Variants in ACBD6 observed in about 807,000 individuals in gnomAD.
ACBD6 encodes the protein acyl-CoA binding domain containing 6, also known as acyl-CoA-binding domain-containing protein 6.
A neutral mutation model predicts 37.2 loss-of-function variants in ACBD6; 28 were observed. The observed-to-expected ratio is 0.75, with a 90% CI of 0.56 to 1.03. The LOEUF (loss-of-function observed/expected upper bound fraction) is 1.03, where lower values mean the gene tolerates loss of function less well. Ranked by LOEUF, ACBD6 falls within the 50% of genes least tolerant of loss-of-function variation. ACBD6 has a pLI of 0.00. For synonymous variants in ACBD6, 113 were observed against 126.8 expected, an observed-to-expected ratio of 0.89 and a Z score of 0.73; for missense variants, 340 against 337.4, an observed-to-expected ratio of 1.01 and a Z score of -0.06.
At chr1:180,416,623 C>T (rs1028091337) in intron 4 of ACBD6, among the ~76,000 whole-genome samples, 1 of 152,152 alleles carries the variant, frequency 6.6e-6, no homozygotes, top group Non-Finnish European at 1.5e-5. Flanking sequence ...CTTCAGGTTA[C>T]TACAACTTTT....
intron 3 of ACBD6, among the ~76,000 whole-genome samples, chr1:180,434,137 G>A (rs140969038): frequency 6.6e-6 from 1 of 152,142 alleles, no homozygotes; most frequent in African/African-American, 2.4e-5. Flanking sequence ...GGAAGTCGGG[G>A]TCTGGACATG....
chr1:180,318,026 A>T (rs1650883439), intron 6 of ACBD6, among the ~76,000 whole-genome samples: 1 of 151,958 alleles, frequency 6.6e-6, no homozygotes, highest in East Asian at 1.9e-4. Flanking sequence ...AAATACAAAA[A>T]ATTAGCCAGG....
chr1:180,280,359 TA>T (rs59479521), intron 9 of ACBD6, among the ~76,000 whole-genome samples: 21,673 of 149,974 alleles, frequency 0.14, 1,705 homozygotes, highest in Non-Finnish European at 0.2. Flanking sequence ...AGAGAAAACT[TA>T]AAAAAAAAAA....
intron 6 of ACBD6, among the ~76,000 whole-genome samples, chr1:180,395,649 C>A (rs1183297913): frequency 6.6e-6 from 1 of 152,080 alleles, no homozygotes; most frequent in African/African-American, 2.4e-5. Context: ...GCACAGAAAA[C>A]AACAAGTGTG....
chr1:180,399,265 T>TATTG (rs1253137632), intron 5 of ACBD6, among the ~76,000 whole-genome samples: 1 of 152,044 alleles, frequency 6.6e-6, no homozygotes, highest in Non-Finnish European at 1.5e-5. Context: ...AGTTATTTTT[T>TATTG]ATTTATTTAT....
At chr1:180,322,862 C>T (rs1401933648) in intron 6 of ACBD6, among the ~76,000 whole-genome samples, 1 of 150,664 alleles carries the variant, frequency 6.6e-6, no homozygotes, top group Non-Finnish European at 1.5e-5. Flanking sequence ...TATTTCTGCT[C>T]TGATTTTTAT....
At chr1:180,429,509 C>T (rs540202410) in intron 4 of ACBD6, among the ~76,000 whole-genome samples, 1 of 152,176 alleles carries the variant, frequency 6.6e-6, no homozygotes, top group Non-Finnish European at 1.5e-5. Context: ...CATCTGTCAA[C>T]AGATGCTTCC....
chr1:180,464,606 C>A (rs1360214598), intron 3 of ACBD6, among the ~76,000 whole-genome samples: 1 of 152,120 alleles, frequency 6.6e-6, no homozygotes, highest in African/African-American at 2.4e-5. Context: ...AATGGTTACA[C>A]TACCCAAAGC....
intron 6 of ACBD6, among the ~76,000 whole-genome samples, chr1:180,365,645 A>C (rs532822542): frequency 1.6e-4 from 25 of 152,182 alleles, no homozygotes; most frequent in Non-Finnish European, 2.4e-4. Context: ...CTGTAATGGC[A>C]GCAGTAAATT....
chr1:180,368,429 T>C (rs935969036), intron 6 of ACBD6, among the ~76,000 whole-genome samples: 13 of 152,220 alleles, frequency 8.5e-5, no homozygotes, highest in African/African-American at 3.1e-4. Context: ...GCTTTTGATG[T>C]CTTTATCATG....
At chr1:180,460,980 G>C (rs1285259102) in intron 3 of ACBD6, among the ~76,000 whole-genome samples, 3 of 152,154 alleles carry the variant, frequency 2.0e-5, no homozygotes, top group Non-Finnish European at 4.4e-5. Context: ...TTCTAACTCA[G>C]TGCAAGGAAG....
At position 180,498,327 on chromosome 1, in the gene ACBD6, G is replaced by A. The variant is rs114971042; in HGVS notation, c.223-2802C>T. The stretch of plus-strand genomic sequence containing the variant: ...TTCCTTGAAGTGACAGGCTTATTTC[G>A]TTCATTTTTAAGAAACTACCTGCCA... On this transcript the variant is annotated intron_variant, in intron 1 of 7. Coordinates refer to ENST00000367595, the MANE Select transcript of ACBD6 (RefSeq NM_032360.4). Among the ~76,000 whole-genome samples the A allele has an allele frequency of 3.8e-3, 578 of 152,232 alleles. 1 individual carries two copies. Among genetic ancestry groups the A allele is most frequent in the Non-Finnish European group, 5.7e-3 (389 of 68,004 alleles).
intron 6 of ACBD6, among the ~76,000 whole-genome samples, chr1:180,388,641 A>G (rs1428832798): frequency 6.6e-6 from 1 of 151,862 alleles, no homozygotes; most frequent in Non-Finnish European, 1.5e-5. Context: ...CAGAGTCACT[A>G]TGTTGCCCAG....
At chr1:180,379,933 G>C (rs1417242961) in intron 6 of ACBD6, among the ~76,000 whole-genome samples, 1 of 152,152 alleles carries the variant, frequency 6.6e-6, no homozygotes, top group Non-Finnish European at 1.5e-5. Context: ...ATGTAAAAAT[G>C]TTTTCTCCAC....
chr1:180,441,101 T>G (rs965788440), intron 3 of ACBD6, among the ~76,000 whole-genome samples: 1 of 152,170 alleles, frequency 6.6e-6, no homozygotes, highest in Non-Finnish European at 1.5e-5. Flanking sequence ...TTTTAACTTT[T>G]TGAGGAACCA....
chr1:180,304,608 A>C (rs1475831792), intron 7 of ACBD6, among the ~76,000 whole-genome samples: 3 of 151,052 alleles, frequency 2.0e-5, no homozygotes, highest in East Asian at 1.9e-4. Context: ...AAAAGAGGAT[A>C]CAAACAAATG....
chr1:180,421,016 ATTTT>A (rs906828203), intron 4 of ACBD6, among the ~76,000 whole-genome samples: 2 of 150,912 alleles, frequency 1.3e-5, no homozygotes, highest in Admixed American at 1.3e-4. Flanking sequence ...CTCCTCAATG[ATTTT>A]TTTTTCAAGT....
chr1:180,314,672 A>T lies in ACBD6; in HGVS notation c.694+20T>A. The T allele has an allele frequency of 6.6e-7, 1 of 1,508,428 alleles. No individual in the cohort carries two copies. The allele number at this position is 1,508,428 out of a possible 1,614,324, so 93.4% of individuals were successfully genotyped here. A position where few individuals can be genotyped will look rare whatever the true frequency, so the allele number is the denominator to read the frequency against. ...GAATATGTTCAAATATGATTACTTA[A>T]TAATTTAGAAACTTCTTACCATAAT... On this transcript the variant is annotated intron_variant, in intron 7 of 7. Coordinates refer to ENST00000367595, the MANE Select transcript of ACBD6 (RefSeq NM_032360.4).
intron 3 of ACBD6, among the ~76,000 whole-genome samples, chr1:180,488,318 TTGAGA>T (rs1571574337): frequency 6.6e-6 from 1 of 152,186 alleles, no homozygotes; most frequent in Non-Finnish European, 1.5e-5. Context: ...CAACATATTC[TTGAGA>T]TAAGATGAAA....
Sources: allele counts gnomAD v4.1 joint callset (sites outside exome capture counted in the v4.1 genomes callset), GRCh38; gene constraint gnomAD v4.1.1; transcripts MANE v1.5; gene names NCBI Gene and HGNC (gene_info 2026-07-23, HGNC 2026-07-21).